NKAIN2: variants seen among roughly 807,000 people sequenced by gnomAD.
NKAIN2 encodes the protein sodium/potassium-transporting ATPase subunit beta-1-interacting protein 2.
A neutral mutation model predicts 32.6 loss-of-function variants in NKAIN2; 14 were observed. The ratio of observed to expected loss-of-function variants is 0.43; its 90% CI spans 0.28 to 0.67. The LOEUF (loss-of-function observed/expected upper bound fraction) is 0.67. Ranked by LOEUF, NKAIN2 falls within the 30% of genes least tolerant of loss-of-function variation. The probability of loss-of-function intolerance (pLI) is 0.17; values close to 1 mark genes in which losing one functional copy is unlikely to be tolerated. For missense variants in NKAIN2, 198 were observed against 258.3 expected (o/e 0.77, Z 1.60); for synonymous variants, 80 against 87.2 (o/e 0.92, Z 0.46).
At chr6:123,960,170 A>T (rs1777780262) in intron 1 of NKAIN2, among the ~76,000 whole-genome samples, 1 of 152,060 alleles carries the variant, frequency 6.6e-6, no homozygotes, top group African/African-American at 2.4e-5. Flanking sequence ...CTACTTTCTA[A>T]AAAAAATTGC....
chr6:124,168,146 ATT>A (rs113840813), intron 1 of NKAIN2, among the ~76,000 whole-genome samples: 12 of 152,112 alleles, frequency 7.9e-5, no homozygotes, highest in African/African-American at 2.7e-4. Flanking sequence ...TGGACATTTA[ATT>A]TTTTTATAAT....
At chr6:124,612,554 G>A (rs1200746088) in intron 3 of NKAIN2, among the ~76,000 whole-genome samples, 3 of 152,106 alleles carry the variant, frequency 2.0e-5, no homozygotes, top group Admixed American at 6.6e-5. Flanking sequence ...CAGAAAATAG[G>A]GGAGGCTGAA....
chr6:123,922,590 G>A (rs1225229043), intron 1 of NKAIN2, among the ~76,000 whole-genome samples: 2 of 152,088 alleles, frequency 1.3e-5, no homozygotes, highest in East Asian at 1.9e-4. Flanking sequence ...TTGGGGTGGG[G>A]AAAGGGCAAC....
At chr6:124,350,375 G>T (rs1798662534) in intron 2 of NKAIN2, among the ~76,000 whole-genome samples, 1 of 151,698 alleles carries the variant, frequency 6.6e-6, no homozygotes, top group African/African-American at 2.4e-5. Flanking sequence ...CCAATTACAG[G>T]ATATTTGATA....
intron 5 of NKAIN2, among the ~76,000 whole-genome samples, chr6:124,791,817 T>C (rs1306711895): frequency 1.3e-5 from 2 of 152,142 alleles, no homozygotes; most frequent in Non-Finnish European, 2.9e-5. Flanking sequence ...TTGTAATAGT[T>C]GCTAAGATTC....
At chr6:124,304,739 C>A (rs1472291464) in intron 2 of NKAIN2, among the ~76,000 whole-genome samples, 1 of 151,762 alleles carries the variant, frequency 6.6e-6, no homozygotes, top group Non-Finnish European at 1.5e-5. Context: ...CATGGTGAAA[C>A]CCCATCTCTA....
intron 3 of NKAIN2, among the ~76,000 whole-genome samples, chr6:124,626,338 T>TTGA (rs1315822419): frequency 6.6e-6 from 1 of 151,828 alleles, no homozygotes; most frequent in Non-Finnish European, 1.5e-5. Flanking sequence ...CAGCTTTGAG[T>TTGA]TGATGAAATT....
At chr6:124,342,231 G>A (rs538443034) in intron 2 of NKAIN2, among the ~76,000 whole-genome samples, 1 of 150,284 alleles carries the variant, frequency 6.7e-6, no homozygotes, top group African/African-American at 2.5e-5. Context: ...GAAACCCCGT[G>A]TCTACTAAAA....
chr6:124,771,254 A>G (rs1449315814), intron 4 of NKAIN2, among the ~76,000 whole-genome samples: 1 of 152,216 alleles, frequency 6.6e-6, no homozygotes, highest in African/African-American at 2.4e-5. Flanking sequence ...TATGTTTAAC[A>G]CAGAGATTCA....
intron 2 of NKAIN2, among the ~76,000 whole-genome samples, chr6:124,315,936 C>G (rs1248302440): frequency 1.3e-5 from 2 of 151,940 alleles, no homozygotes; most frequent in Non-Finnish European, 1.5e-5. Context: ...GTTCTTATGA[C>G]AAGATGGGTG....
chr6:124,402,656 A>G (rs1166941920), intron 3 of NKAIN2, among the ~76,000 whole-genome samples: 1 of 152,242 alleles, frequency 6.6e-6, no homozygotes, highest in Non-Finnish European at 1.5e-5. Context: ...TTGCAGCAAC[A>G]TGGATGAAGC....
rs528070191 is a variant in NKAIN2 at position 124,381,237 on chromosome 6, A to G, written c.273+25890A>G. ...GTTTGAAAATATGTAGTTTTTTCTAATCAAGTGCATTACTTATGTTAACAT... is the reference window on the plus strand; with the variant it reads ...GTTTGAAAATATGTAGTTTTTTCTAGTCAAGTGCATTACTTATGTTAACAT... On this transcript the variant is annotated intron_variant, in intron 3 of 6. Transcript: ENST00000368417. Among the ~76,000 whole-genome samples the G allele has an allele frequency of 1.3e-3, 191 of 151,168 alleles. 1 individual carries two copies. The South Asian group carries it at 0.016, about 13-fold the overall frequency.
intron 1 of NKAIN2, among the ~76,000 whole-genome samples, chr6:123,850,414 G>C (rs558836162): frequency 1.3e-5 from 2 of 150,682 alleles, no homozygotes; most frequent in South Asian, 4.2e-4. Flanking sequence ...TCCAAGCTAA[G>C]GGCTACTGGT....
Position 123,871,643 on chromosome 6 carries a change from T to C in NKAIN2, c.54+67389T>C, listed in dbSNP as rs528777217. Among the ~76,000 whole-genome samples, 3 of 152,326 alleles carry C rather than the reference T, an allele frequency of 2.0e-5. No individual in the cohort carries two copies. The South Asian group carries it at 6.2e-4, about 32-fold the overall frequency. ...TTTGGACACTTTTCACATCTGAATG[T>C]CTGTTCCACTTACAATTAGTTGCCT... is the stretch of plus-strand genomic sequence containing the variant. On this transcript the variant is annotated intron_variant, in intron 1 of 6. Transcript: ENST00000368417.
Position 124,475,224 on chromosome 6 carries a change from G to A in NKAIN2, c.273+119877G>A, listed in dbSNP as rs1274426801. Among the ~76,000 whole-genome samples the A allele has an allele frequency of 5.9e-5, 9 of 152,144 alleles. No individual in the cohort carries two copies. The East Asian group carries it at 1.7e-3, about 29-fold the overall frequency. On this transcript the variant is annotated intron_variant, in intron 3 of 6. Coordinates refer to ENST00000368417, the MANE Select transcript of NKAIN2 (RefSeq NM_001040214.3). ...AGGCATTGATCTTTTGTGAACCTGA[G>A]CAGGGTGGCCTCGCCTTTATCTTTT...
At chr6:124,707,190 A>G (rs993116777) in intron 4 of NKAIN2, among the ~76,000 whole-genome samples, 3 of 152,100 alleles carry the variant, frequency 2.0e-5, no homozygotes, top group African/African-American at 4.8e-5. Context: ...TTATGGCTGC[A>G]TAGTATTCCA....
intron 2 of NKAIN2, among the ~76,000 whole-genome samples, chr6:124,345,135 T>A (rs1798340706): frequency 6.6e-6 from 1 of 152,184 alleles, no homozygotes; most frequent in Non-Finnish European, 1.5e-5. Context: ...TAGTTTACAT[T>A]TATTGATTTG....
intron 1 of NKAIN2, among the ~76,000 whole-genome samples, chr6:124,211,323 G>A (rs1173505280): frequency 6.6e-6 from 1 of 151,704 alleles, no homozygotes; most frequent in Non-Finnish European, 1.5e-5. Flanking sequence ...AAACATAGTG[G>A]GTATTCAGAA....
At chr6:124,449,502 A>C (rs1173927467) in intron 3 of NKAIN2, among the ~76,000 whole-genome samples, 2 of 152,108 alleles carry the variant, frequency 1.3e-5, no homozygotes, top group Non-Finnish European at 2.9e-5. Flanking sequence ...CTACAGATTG[A>C]AAGGTCAACA....
Sources: allele counts gnomAD v4.1 joint callset (sites outside exome capture counted in the v4.1 genomes callset), GRCh38; gene constraint gnomAD v4.1.1; transcripts MANE v1.5; gene names NCBI Gene and HGNC (gene_info 2026-07-23, HGNC 2026-07-21).